SORT1: variants seen among roughly 807,000 people sequenced by gnomAD.
SORT1 encodes sortilin 1.
Under a neutral mutation model 101.7 loss-of-function variants are expected in SORT1, and 39 were observed. That is an observed-to-expected ratio of 0.38 (90% confidence interval 0.30 to 0.50). The LOEUF (loss-of-function observed/expected upper bound fraction) is 0.50. Ranked by LOEUF, SORT1 falls within the 20% of genes least tolerant of loss-of-function variation. SORT1 has a pLI of 0.90. For missense variants in SORT1, 878 were observed against 1,040.4 expected, an observed-to-expected ratio of 0.84 and a Z score of 2.15; for synonymous variants, 396 against 393.7, an observed-to-expected ratio of 1.01 and a Z score of -0.07.
At chr1:109,317,613 C>T (rs72646582) in intron 16 of SORT1, among the ~76,000 whole-genome samples, 201 of 152,286 alleles carry the variant, frequency 1.3e-3, no homozygotes, top group African/African-American at 4.5e-3. Flanking sequence ...AGGATCTGGC[C>T]GAGCTTGTTC....
Position 109,336,355 on chromosome 1 carries a change from G to A in SORT1, c.1265-9C>T. 1.3e-6 allele frequency: 2 copies of A among 1,537,708 alleles called. No individual in the cohort carries two copies. The highest frequency in any genetic ancestry group is 1.8e-6 in the Non-Finnish European group (2 of 1,110,054). ...GGTCTGGATAGAATTATCTGAATGG[G>A]AAGAGAACAACATTAAGTCTGATAC... On this transcript the variant is annotated splice_polypyrimidine_tract_variant and intron_variant, in intron 10 of 19. Transcript: ENST00000256637.
intron 10 of SORT1, among the ~76,000 whole-genome samples, chr1:109,337,903 C>A (rs561551190): frequency 6.6e-6 from 1 of 152,156 alleles, no homozygotes; most frequent in Non-Finnish European, 1.5e-5. Flanking sequence ...TAGGATTACA[C>A]GCATGAGCCA....
chr1:109,323,102 G>C lies in SORT1; in HGVS notation c.1854C>G (p.Thr618=), dbSNP rs1647750499. 2 of 1,613,822 alleles carry C rather than the reference G, an allele frequency of 1.2e-6. No homozygotes were observed. Among genetic ancestry groups the C allele is most frequent in the Non-Finnish European group, 1.7e-6 (2 of 1,179,744 alleles). The change falls in exon 15 of 20, where the codon ACC becomes ACG. Residue 618 remains threonine, a synonymous_variant. Transcript: ENST00000256637. ...LERNCEEKDY[T]IWLAHSTDPE... is the part of the protein sequence containing the mutation. ...GGTCTGTGGAGTGTGCCAGCCATAT[G>C]GTATAGTCCTTCTCTTCACCTAAAG... is the stretch of plus-strand genomic sequence containing the variant.
At position 109,397,888 on chromosome 1, in the gene SORT1, T is replaced by A; in HGVS notation, c.5A>T (p.Glu2Val). ...GCCGTCCGCAGCTCCCCAGGGCCGC[T>A]CCATCGCCGCCGAATGCCGCCGACG... M[E>V]RPWGAADGLS... Residue 2 changes from glutamate to valine, a missense_variant, in exon 1 of 20, where the codon GAG becomes GTG. Transcript: ENST00000256637. 8.6e-7 allele frequency: 1 copy of A among 1,168,930 alleles called. No individual in the cohort carries two copies. Among genetic ancestry groups the A allele is most frequent in the Non-Finnish European group, 1.1e-6 (1 of 948,032 alleles). 72.4% of individuals were successfully genotyped at this position (1,168,930 alleles called of 1,614,324 possible).
chr1:109,348,394 CAA>C (rs112012882), intron 6 of SORT1, among the ~76,000 whole-genome samples: 47 of 106,142 alleles, frequency 4.4e-4, no homozygotes, highest in African/African-American at 1.6e-3. Context: ...AGACACTAAA[CAA>C]AAAAAAAAAA....
chr1:109,343,973 T>G (rs1363656387), intron 8 of SORT1, among the ~76,000 whole-genome samples: 8 of 152,120 alleles, frequency 5.3e-5, no homozygotes, highest in African/African-American at 1.9e-4. Context: ...TTGATTTTTC[T>G]CCCACAACCT....
intron 15 of SORT1, among the ~76,000 whole-genome samples, chr1:109,322,190 G>A (rs1485709178): frequency 2.6e-5 from 4 of 151,478 alleles, no homozygotes; most frequent in Admixed American, 6.6e-5. Flanking sequence ...CACCCGCCTC[G>A]GCCTCCCAAA....
At chr1:109,378,022 C>T (rs1056007163) in intron 1 of SORT1, among the ~76,000 whole-genome samples, 3 of 152,078 alleles carry the variant, frequency 2.0e-5, no homozygotes, top group Admixed American at 6.6e-5. Flanking sequence ...CTTGAGTCCA[C>T]GAGTTCAAGA....
At chr1:109,366,803 G>C (rs1340314406) in intron 3 of SORT1, 1 of 152,316 alleles carries the variant, frequency 6.6e-6, no homozygotes, top group Admixed American at 6.6e-5. Flanking sequence ...CACTTGGGAG[G>C]CTGAGGTGGG....
At chr1:109,384,210 C>A (rs759294566) in intron 1 of SORT1, among the ~76,000 whole-genome samples, 9 of 152,082 alleles carry the variant, frequency 5.9e-5, no homozygotes, top group Non-Finnish European at 1.2e-4. Context: ...GGATACTCAC[C>A]GAAAAGAAGC....
intron 6 of SORT1, 26 bp downstream of exon 6, chr1:109,350,903 C>T (rs543385904): frequency 1.3e-6 from 2 of 1,495,548 alleles, no homozygotes; most frequent in South Asian, 1.1e-5. Flanking sequence ...TAGGGCTCTG[C>T]ACAGATGGAG....
At chr1:109,390,746 T>C (rs1341483917) in intron 1 of SORT1, among the ~76,000 whole-genome samples, 1 of 150,522 alleles carries the variant, frequency 6.6e-6, no homozygotes. Flanking sequence ...CAGTACAATA[T>C]TAGAAAGTGT....
chr1:109,327,659 A>T, intron 11 of SORT1, 58 bp from the exon 12 acceptor site: 1 of 1,155,204 alleles, frequency 8.7e-7, no homozygotes, highest in Non-Finnish European at 1.2e-6. Context: ...AATTTCTTTA[A>T]TCATTTCACA....
In SORT1 at chr1:109,317,897, C is replaced by T. The variant is rs770374728; in HGVS notation, c.2097G>A (p.Leu699=). Residue 699 remains leucine, a synonymous_variant, in exon 16 of 20, where the codon CTG becomes CTA. Coordinates refer to ENST00000256637, the MANE Select transcript of SORT1 (RefSeq NM_002959.7). ...VEQPELKGHD[L]EFCLYGREEH... ...CTTCTCTTCCGTACAGACAAAACTCCAGGTCGTGGCCCTTCAGTTCTGGCT... is the reference window on the plus strand; with the variant it reads ...CTTCTCTTCCGTACAGACAAAACTCTAGGTCGTGGCCCTTCAGTTCTGGCT... 20 of 1,614,018 alleles carry T rather than the reference C, an allele frequency of 1.2e-5. No individual in the cohort carries two copies. The highest frequency in any genetic ancestry group is 1.6e-5 in the Non-Finnish European group (19 of 1,179,986).
intron 17 of SORT1, among the ~76,000 whole-genome samples, chr1:109,315,393 G>A (rs920523413): frequency 6.6e-6 from 1 of 152,076 alleles, no homozygotes; most frequent in African/African-American, 2.4e-5. Flanking sequence ...CTGTGGGTGG[G>A]AGTCCTGTGC....
intron 2 of SORT1, 66 bp from the exon 3 acceptor site, chr1:109,367,547 G>A (rs569405525): frequency 6.8e-6 from 7 of 1,032,174 alleles, no homozygotes; most frequent in African/African-American, 4.7e-5. Context: ...ATATGTGTTC[G>A]AGATTAAGCC....
At position 109,311,311 on chromosome 1, in the gene SORT1, C is replaced by A. The variant is rs915659691; in HGVS notation, c.*2732G>T. The A allele has an allele frequency of 2.0e-5, 3 of 152,266 alleles. No homozygotes were observed. The highest frequency in any genetic ancestry group is 2.9e-5 in the Non-Finnish European group (2 of 68,048). 9.4% of individuals were successfully genotyped at this position (152,266 alleles called of 1,614,324 possible). ...CCTCCAGAAATGATCTCTTCTGCTA[C>A]ATCAAGCCTGGGAGTTTACACAATG... On this transcript the variant is annotated 3_prime_UTR_variant, in exon 20 of 20. Coordinates refer to ENST00000256637, the MANE Select transcript of SORT1 (RefSeq NM_002959.7).
At position 109,311,809 on chromosome 1, in the gene SORT1, G is replaced by A. The variant is rs1467810066; in HGVS notation, c.*2234C>T. ...AAGAACAGCAAGTCATCTACAAGAA[G>A]GCAGCCTTGCTCAAAGTGGTTAGCA... On this transcript the variant is annotated 3_prime_UTR_variant, in exon 20 of 20. Coordinates refer to ENST00000256637, the MANE Select transcript of SORT1 (RefSeq NM_002959.7). The A allele has an allele frequency of 1.3e-5, 2 of 152,386 alleles. No homozygotes were observed. Among genetic ancestry groups the A allele is most frequent in the Non-Finnish European group, 2.9e-5 (2 of 68,044 alleles). 9.4% of individuals were successfully genotyped at this position (152,386 alleles called of 1,614,324 possible).
At chr1:109,335,015 T>C (rs1389947717) in intron 11 of SORT1, among the ~76,000 whole-genome samples, 1 of 152,170 alleles carries the variant, frequency 6.6e-6, no homozygotes, top group African/African-American at 2.4e-5. Context: ...TAGCTCTAAC[T>C]GGATGGTCAC....
Sources: allele counts gnomAD v4.1 joint callset (sites outside exome capture counted in the v4.1 genomes callset), GRCh38; gene constraint gnomAD v4.1.1; transcripts MANE v1.5; gene names NCBI Gene and HGNC (gene_info 2026-07-23, HGNC 2026-07-21).